Variants in SH2D4B observed in about 807,000 individuals in gnomAD.
SH2D4B encodes SH2 domain-containing protein 4B.
Under a neutral mutation model 61.5 loss-of-function variants are expected in SH2D4B, and 45 were observed. The ratio of observed to expected loss-of-function variants is 0.73; its 90% CI spans 0.58 to 0.94. The LOEUF is 0.94. Among genes scored for constraint, SH2D4B ranks in the 40% least tolerant of loss-of-function variants. The pLI, the probability that SH2D4B is intolerant of heterozygous loss-of-function variation, is 0.00. For missense variants in SH2D4B, 572 were observed against 574.2 expected, an observed-to-expected ratio of 1.00 and a Z score of 0.04; for synonymous variants, 224 against 220.4, an observed-to-expected ratio of 1.02 and a Z score of -0.14.
At chr10:80,610,212 G>A (rs1226995013) in intron 6 of SH2D4B, among the ~76,000 whole-genome samples, 3 of 152,068 alleles carry the variant, frequency 2.0e-5, no homozygotes, top group African/African-American at 7.2e-5. Flanking sequence ...CCTCAGAAAG[G>A]CCTTTCCTGA....
intron 1 of SH2D4B, among the ~76,000 whole-genome samples, chr10:80,555,342 G>A (rs779094476): frequency 2.0e-5 from 3 of 150,612 alleles, no homozygotes; most frequent in Non-Finnish European, 2.9e-5. Context: ...TTCTCTCCCC[G>A]CCTACTGTTC....
intron 7 of SH2D4B, among the ~76,000 whole-genome samples, chr10:80,637,578 C>T (rs1251968494): frequency 6.6e-6 from 1 of 151,974 alleles, no homozygotes; most frequent in African/African-American, 2.4e-5. Flanking sequence ...TGATTTGGCT[C>T]TCTGTTTTGT....
chr10:80,583,865 C>A (rs1842213664), intron 3 of SH2D4B, among the ~76,000 whole-genome samples: 1 of 152,102 alleles, frequency 6.6e-6, no homozygotes, highest in African/African-American at 2.4e-5. Context: ...ACTGAAAGTA[C>A]CCCCAAGTGG....
At chr10:80,597,916 A>G (rs1046626899) in intron 4 of SH2D4B, among the ~76,000 whole-genome samples, 3 of 152,190 alleles carry the variant, frequency 2.0e-5, no homozygotes, top group African/African-American at 7.2e-5. Flanking sequence ...GTGATGAAAA[A>G]TGAGGCTTGA....
intron 4 of SH2D4B, among the ~76,000 whole-genome samples, chr10:80,592,543 A>C (rs1005612323): frequency 2.0e-5 from 3 of 152,114 alleles, no homozygotes; most frequent in Non-Finnish European, 4.4e-5. Context: ...ATTTTGATTT[A>C]ATTTTTGTGT....
rs1842646608 is a variant in SH2D4B at position 80,615,150 on chromosome 10, G to A, written c.988+5599G>A. Among the ~76,000 whole-genome samples, 3 of 152,360 alleles carry A rather than the reference G, an allele frequency of 2.0e-5. No homozygotes were observed. The Middle Eastern group carries it at 0.01, about 518-fold the overall frequency. On this transcript the variant is annotated intron_variant, in intron 6 of 7. Coordinates refer to ENST00000646907, the MANE Select transcript of SH2D4B (RefSeq NM_001388272.1). ...GTCTGAGCTGTATGGAGCAGGAAGGGGTTGGACAGGCTGGCTGCTGCTGAC... is the reference window on the plus strand; with the variant it reads ...GTCTGAGCTGTATGGAGCAGGAAGGAGTTGGACAGGCTGGCTGCTGCTGAC...
chr10:80,603,340 G>A (rs1842473570), intron 4 of SH2D4B, among the ~76,000 whole-genome samples: 1 of 152,190 alleles, frequency 6.6e-6, no homozygotes. Context: ...GGACAGGCTT[G>A]CCCTAGGGGT....
At chr10:80,573,321 C>G (rs554255015) in intron 3 of SH2D4B, among the ~76,000 whole-genome samples, 1 of 151,698 alleles carries the variant, frequency 6.6e-6, no homozygotes, top group African/African-American at 2.4e-5. Context: ...TTATTTTTTT[C>G]TTAAATTTGG....
intron 6 of SH2D4B, among the ~76,000 whole-genome samples, chr10:80,631,223 T>C (rs1301785292): frequency 6.6e-6 from 1 of 152,190 alleles, no homozygotes; most frequent in Non-Finnish European, 1.5e-5. Flanking sequence ...ATAGCCAAGA[T>C]AGGGAATCAA....
In SH2D4B at chr10:80,542,916, C is replaced by T. The variant is rs575218757; in HGVS notation, c.184+4401C>T. ...AGCCTTCCTATGCCTGCTCACTGTC[C>T]TGCCCTCATTCCAGCCAGCAGAGTG... is the stretch of plus-strand genomic sequence containing the variant. On this transcript the variant is annotated intron_variant, in intron 1 of 7. Transcript: ENST00000646907. 1.2e-3 allele frequency among the ~76,000 whole-genome samples: 181 copies of T among 152,344 alleles called. 1 individual carries two copies. The highest frequency in any genetic ancestry group is 4.4e-3 in the South Asian group (21 of 4,826).
intron 6 of SH2D4B, among the ~76,000 whole-genome samples, chr10:80,614,631 A>AC (rs1589358292): frequency 6.6e-6 from 1 of 152,230 alleles, no homozygotes; most frequent in Non-Finnish European, 1.5e-5. Flanking sequence ...TGGCTAGCGA[A>AC]CCCCCCAGAA....
chr10:80,613,110 A>C (rs4933463), intron 6 of SH2D4B, among the ~76,000 whole-genome samples: 77,618 of 152,018 alleles, frequency 0.51, 20,820 homozygotes, highest in East Asian at 0.74. Flanking sequence ...GGAAATGGGC[A>C]CAGAGTGCAG....
Position 80,572,611 on chromosome 10 carries a change from C to A in SH2D4B, c.495+1033C>A, listed in dbSNP as rs7088279. On this transcript the variant is annotated intron_variant, in intron 3 of 7. Coordinates refer to ENST00000646907, the MANE Select transcript of SH2D4B (RefSeq NM_001388272.1). The stretch of plus-strand genomic sequence containing the variant: ...CCTTGCCTTGCCTTCCCTCCACTCC[C>A]CTCCCCTCCCCTTTCTTTTCTTTTT... Among the ~76,000 whole-genome samples, 993 of 151,924 alleles carry A rather than the reference C, an allele frequency of 6.5e-3. 8 individuals carry two copies. The highest frequency in any genetic ancestry group is 0.022 in the African/African-American group (900 of 41,416).
intron 5 of SH2D4B, among the ~76,000 whole-genome samples, chr10:80,604,195 G>A (rs1420831892): frequency 2.0e-5 from 3 of 152,222 alleles, no homozygotes; most frequent in African/African-American, 7.2e-5. Flanking sequence ...GGACACCAGG[G>A]CTTGCTGCCT....
rs1482296647 is a variant in SH2D4B at position 80,603,775 on chromosome 10, G to A, written c.840G>A (p.Gln280=). The A allele has an allele frequency of 1.2e-6, 2 of 1,610,152 alleles. No homozygotes were observed. Among genetic ancestry groups the A allele is most frequent in the Middle Eastern group, 1.8e-4 (1 of 5,654 alleles). The change falls in exon 5 of 8, where the codon CAG becomes CAA. Residue 280 remains glutamine, a synonymous_variant. Coordinates refer to ENST00000646907, the MANE Select transcript of SH2D4B (RefSeq NM_001388272.1). ...ACCTCCCCGACCCGGGTCTGCCGCA[G>A]CCCCTTGCCCTGCCGGTCAGGTGGG... The part of the protein sequence containing the change: ...YHHLPDPGLP[Q]PLALPVSRTW...
intron 3 of SH2D4B, among the ~76,000 whole-genome samples, chr10:80,577,568 A>G (rs1842140366): frequency 1.3e-5 from 2 of 152,144 alleles, no homozygotes; most frequent in South Asian, 4.2e-4. Context: ...CTGGGACTAC[A>G]GGTGCCTGCC....
intron 6 of SH2D4B, among the ~76,000 whole-genome samples, chr10:80,613,152 T>C (rs896075088): frequency 1.2e-4 from 18 of 152,216 alleles, no homozygotes; most frequent in African/African-American, 4.3e-4. Flanking sequence ...GGCTTTTCTC[T>C]GGGACCACAG....
chr10:80,580,571 T>C (rs7894899), intron 3 of SH2D4B, among the ~76,000 whole-genome samples: 53,946 of 152,050 alleles, frequency 0.35, 10,833 homozygotes, highest in African/African-American at 0.55. Context: ...TGGTGGTTAC[T>C]GAGGCAAGTC....
At position 80,609,550 on chromosome 10, in the gene SH2D4B, T is replaced by C. The variant is rs750373899; in HGVS notation, c.987T>C (p.His329=). The change falls in exon 6 of 8, where the codon CAT becomes CAC. Residue 329 remains histidine, a splice_region_variant and synonymous_variant. Transcript: ENST00000646907. ...CCAAGTTCATCGCCCCCTGGTTCCATGGTAGCACCATTTTTCTGGGCCCTG... is the reference window on the plus strand; with the variant it reads ...CCAAGTTCATCGCCCCCTGGTTCCACGGTAGCACCATTTTTCTGGGCCCTG... ...RNTKFIAPWF[H]GIISREDAEA... The C allele has an allele frequency of 6.2e-7, 1 of 1,614,078 alleles. No homozygotes were observed. The highest frequency in any genetic ancestry group is 1.7e-5 in the Admixed American group (1 of 60,004).
Sources: gnomAD v4.1 joint callset for allele counts (sites outside exome capture counted in the v4.1 genomes callset) on GRCh38, gnomAD v4.1.1 for gene constraint, MANE v1.5 for transcripts, NCBI Gene and HGNC (gene_info 2026-07-23, HGNC 2026-07-21) for gene names.